The following SGMS2 variants were observed in gnomAD, a reference collection of about 807,000 sequenced individuals.
SGMS2 encodes the protein sphingomyelin synthase 2, also known as phosphatidylcholine:ceramide cholinephosphotransferase 2.
In SGMS2, 21 loss-of-function variants were observed where a neutral mutation model predicts 43.8. The ratio of observed to expected loss-of-function variants is 0.48; its 90% CI spans 0.34 to 0.69. The LOEUF (loss-of-function observed/expected upper bound fraction) is 0.69, where lower values mean the gene tolerates loss of function less well. Among genes scored for constraint, SGMS2 ranks in the 30% least tolerant of loss-of-function variants. SGMS2 has a pLI of 0.01. For missense variants in SGMS2, 384 were observed against 443.2 expected (o/e 0.87, Z 1.20); for synonymous variants, 167 against 160.6 (o/e 1.04, Z -0.30).
intron 2 of SGMS2, among the ~76,000 whole-genome samples, chr4:107,892,740 G>A (rs901101959): frequency 1.3e-5 from 2 of 151,998 alleles, no homozygotes; most frequent in Admixed American, 6.6e-5. Context: ...CATTCTTTTG[G>A]GTTTCTGATT....
intron 2 of SGMS2, among the ~76,000 whole-genome samples, chr4:107,885,489 A>G (rs2126094125): frequency 6.6e-6 from 1 of 152,292 alleles, no homozygotes; most frequent in Non-Finnish European, 1.5e-5. Context: ...TGTGTAATAT[A>G]TGTTCTAATA....
At chr4:107,852,148 A>G (rs1159864354) in intron 1 of SGMS2, among the ~76,000 whole-genome samples, 3 of 151,356 alleles carry the variant, frequency 2.0e-5, no homozygotes, top group Non-Finnish European at 4.4e-5. Context: ...GGCTCGCTGC[A>G]AGGTCCGCCT....
chr4:107,831,969 A>G (rs868380484), intron 1 of SGMS2, among the ~76,000 whole-genome samples: 2 of 152,214 alleles, frequency 1.3e-5, no homozygotes, highest in African/African-American at 2.4e-5. Context: ...GTATTGTACC[A>G]TGAACACCAC....
At chr4:107,869,843 A>T (rs1728423221) in intron 2 of SGMS2, among the ~76,000 whole-genome samples, 1 of 152,136 alleles carries the variant, frequency 6.6e-6, no homozygotes, top group African/African-American at 2.4e-5. Context: ...GAGATTTTCT[A>T]TTATAAATTT....
At chr4:107,890,891 G>A (rs887019333) in intron 2 of SGMS2, among the ~76,000 whole-genome samples, 4 of 151,910 alleles carry the variant, frequency 2.6e-5, no homozygotes, top group Non-Finnish European at 1.5e-5. Context: ...TATTTCAGAA[G>A]TACCAAGTAT....
chr4:107,830,651 A>G (rs1725841751), intron 1 of SGMS2, among the ~76,000 whole-genome samples: 1 of 152,226 alleles, frequency 6.6e-6, no homozygotes, highest in Non-Finnish European at 1.5e-5. Context: ...ATTGTTTCCT[A>G]TGCTTGTTGG....
At position 107,911,199 on chromosome 4, in the gene SGMS2, T is replaced by A. The variant is rs1447072364; in HGVS notation, c.*646T>A. Reference sequence around the variant, plus strand: ...ATTTTATCTTAAAAAGGAAAGCTGATCCAAGTAAACACGAAAGTATTTGAC... The same window carrying A: ...ATTTTATCTTAAAAAGGAAAGCTGAACCAAGTAAACACGAAAGTATTTGAC... On this transcript the variant is annotated 3_prime_UTR_variant, in exon 7 of 7. Coordinates refer to ENST00000690982, the MANE Select transcript of SGMS2 (RefSeq NM_001375905.1). 6.6e-6 allele frequency: 1 copy of A among 152,238 alleles called. No individual in the cohort carries two copies. Among genetic ancestry groups the A allele is most frequent in the Non-Finnish European group, 1.5e-5 (1 of 68,084 alleles). The allele number at this position is 152,238 out of a possible 1,614,324, so 9.4% of individuals were successfully genotyped here.
chr4:107,828,909 C>G (rs1364670467), intron 1 of SGMS2, among the ~76,000 whole-genome samples: 1 of 152,184 alleles, frequency 6.6e-6, no homozygotes, highest in Non-Finnish European at 1.5e-5. Context: ...CGGGAACATA[C>G]AAACTTTCTT....
intron 1 of SGMS2, among the ~76,000 whole-genome samples, chr4:107,832,901 A>G (rs1725969356): frequency 6.6e-6 from 1 of 151,982 alleles, no homozygotes; most frequent in African/African-American, 2.4e-5. Context: ...AGTGGTGCAC[A>G]CCTGAAGTCC....
intron 1 of SGMS2, among the ~76,000 whole-genome samples, chr4:107,846,106 G>GT (rs200014490): frequency 1.0e-3 from 158 of 151,092 alleles, no homozygotes; most frequent in African/African-American, 3.1e-3. Context: ...GTGGAAAGCT[G>GT]TTTTTTTTTA....
chr4:107,877,309 T>C (rs1234903417), intron 2 of SGMS2, among the ~76,000 whole-genome samples: 1 of 152,130 alleles, frequency 6.6e-6, no homozygotes, highest in Non-Finnish European at 1.5e-5. Context: ...AAATGGGATG[T>C]TTTTTAAGTT....
At chr4:107,844,480 T>G (rs1726700004) in intron 1 of SGMS2, among the ~76,000 whole-genome samples, 1 of 152,060 alleles carries the variant, frequency 6.6e-6, no homozygotes, top group Non-Finnish European at 1.5e-5. Context: ...GGCTGAAAGA[T>G]CACATGAGCC....
At chr4:107,861,746 T>G (rs1362457079) in intron 2 of SGMS2, among the ~76,000 whole-genome samples, 2 of 152,220 alleles carry the variant, frequency 1.3e-5, no homozygotes, top group Non-Finnish European at 2.9e-5. Flanking sequence ...CTAAGTAAAC[T>G]CATATACCCA....
At chr4:107,903,436 C>A in intron 5 of SGMS2, 50 bp downstream of exon 5, 5 of 1,575,052 alleles carry the variant, frequency 3.2e-6, no homozygotes, top group Non-Finnish European at 4.3e-6. Flanking sequence ...TGGGAGGGAT[C>A]CCTGGGCCCT....
At chr4:107,885,734 A>G (rs1455093543) in intron 2 of SGMS2, among the ~76,000 whole-genome samples, 1 of 152,212 alleles carries the variant, frequency 6.6e-6, no homozygotes, top group Non-Finnish European at 1.5e-5. Context: ...ACTAAAACAT[A>G]CAATATTCAA....
chr4:107,868,544 C>T (rs1003917342), intron 2 of SGMS2, among the ~76,000 whole-genome samples: 4 of 152,080 alleles, frequency 2.6e-5, no homozygotes, highest in African/African-American at 4.8e-5. Context: ...TGGGTGAAAC[C>T]TTGTCTCTAC....
intron 1 of SGMS2, among the ~76,000 whole-genome samples, chr4:107,850,852 T>C (rs28645148): frequency 0.052 from 7,989 of 152,208 alleles, 725 homozygotes; most frequent in African/African-American, 0.18. Context: ...CTTCCCAACT[T>C]CTGGGGGCTT....
rs534129101 is a variant in SGMS2, at chr4:107,881,312, A to G, written c.-244-13998A>G. 5.3e-5 allele frequency among the ~76,000 whole-genome samples: 8 copies of G among 152,158 alleles called. No individual in the cohort carries two copies. In the South Asian group the frequency reaches 6.2e-4, roughly 12 times the overall value. ...TCTCTTAATCTTTTTCAGTGATGCT[A>G]TTGTTGATCTTTTCATATGGAATGG... is the stretch of plus-strand genomic sequence containing the variant. On this transcript the variant is annotated intron_variant, in intron 2 of 6. Coordinates refer to ENST00000690982, the MANE Select transcript of SGMS2 (RefSeq NM_001375905.1).
chr4:107,887,048 G>T (rs988564645), intron 2 of SGMS2, among the ~76,000 whole-genome samples: 14 of 152,258 alleles, frequency 9.2e-5, no homozygotes, highest in Non-Finnish European at 1.9e-4. Flanking sequence ...CAAAGGATGA[G>T]CAGGTTTTAA....
Sources: allele counts gnomAD v4.1 joint callset (sites outside exome capture counted in the v4.1 genomes callset), GRCh38; gene constraint gnomAD v4.1.1; transcripts MANE v1.5; gene names NCBI Gene and HGNC (gene_info 2026-07-23, HGNC 2026-07-21).